RNF144A: variants seen among roughly 807,000 people sequenced by gnomAD.
The protein encoded by RNF144A is E3 ubiquitin-protein ligase RNF144A.
In RNF144A, 11 loss-of-function variants were observed where a neutral mutation model predicts 38.7. That is an observed-to-expected ratio of 0.28 (90% CI 0.18 to 0.47). The LOEUF (loss-of-function observed/expected upper bound fraction) is 0.47, where lower values mean the gene tolerates loss of function less well. Among genes scored for constraint, RNF144A ranks in the 20% least tolerant of loss-of-function variants. The probability of loss-of-function intolerance (pLI) is 0.99; values close to 1 mark genes in which losing one functional copy is unlikely to be tolerated. For synonymous variants in RNF144A, 149 were observed against 143.9 expected (o/e 1.04, Z -0.25); for missense variants, 316 against 377.2 (o/e 0.84, Z 1.34).
chr2:7,031,251 C>T (rs1166128794), intron 8 of RNF144A, among the ~76,000 whole-genome samples: 1 of 152,204 alleles, frequency 6.6e-6, no homozygotes, highest in African/African-American at 2.4e-5. Flanking sequence ...TTAATATTAA[C>T]TTGTGCTTTC....
At chr2:6,959,411 C>A (rs534520564) in intron 2 of RNF144A, among the ~76,000 whole-genome samples, 70 of 148,446 alleles carry the variant, frequency 4.7e-4, no homozygotes, top group African/African-American at 1.5e-3. Context: ...ATTGCGTGTG[C>A]ACATCCAGAT....
intron 5 of RNF144A, 144 bp downstream of exon 5, chr2:7,014,916 A>T: frequency 1.6e-6 from 1 of 634,690 alleles, no homozygotes; most frequent in Non-Finnish European, 2.8e-6. Context: ...CTGAAATTAA[A>T]CTGACATTCT....
intron 6 of RNF144A, among the ~76,000 whole-genome samples, chr2:7,052,165 C>T (rs1401427865): frequency 2.6e-5 from 4 of 152,256 alleles, no homozygotes; most frequent in African/African-American, 9.6e-5. Context: ...GGCATCACCT[C>T]ACCTTGATTC....
intron 8 of RNF144A, among the ~76,000 whole-genome samples, chr2:7,038,230 C>T (rs1215591903): frequency 1.3e-5 from 2 of 152,218 alleles, no homozygotes; most frequent in South Asian, 2.1e-4. Context: ...GTTTTCTCGT[C>T]GGAAATGCAC....
chr2:6,987,869 T>C (rs1271545237), intron 2 of RNF144A, among the ~76,000 whole-genome samples: 3 of 152,238 alleles, frequency 2.0e-5, no homozygotes, highest in Non-Finnish European at 2.9e-5. Context: ...CTTTCTTTTT[T>C]TGTATTTCTT....
intron 1 of RNF144A, among the ~76,000 whole-genome samples, chr2:6,926,725 C>T (rs930934156): frequency 2.0e-5 from 3 of 152,236 alleles, no homozygotes; most frequent in Admixed American, 6.5e-5. Context: ...CGTCTTTTCC[C>T]TTCAAAGACA....
At chr2:7,051,285 T>C (rs1673514334) in intron 6 of RNF144A, among the ~76,000 whole-genome samples, 1 of 152,002 alleles carries the variant, frequency 6.6e-6, no homozygotes, top group Non-Finnish European at 1.5e-5. Context: ...TTGGCAAACC[T>C]TCAGTGCAGA....
At chr2:6,925,368 G>A (rs925053151) in intron 1 of RNF144A, among the ~76,000 whole-genome samples, 2 of 152,114 alleles carry the variant, frequency 1.3e-5, no homozygotes, top group African/African-American at 2.4e-5. Context: ...ATAGGGCCAG[G>A]TGTATTAGGA....
intron 2 of RNF144A, among the ~76,000 whole-genome samples, chr2:6,989,303 G>A (rs1669183464): frequency 1.2e-5 from 1 of 80,398 alleles, no homozygotes; most frequent in African/African-American, 3.7e-5. Flanking sequence ...GCTTATCTGA[G>A]ACCTTCCACT....
chr2:6,984,857 A>G (rs1162994685), intron 2 of RNF144A, among the ~76,000 whole-genome samples: 1 of 152,026 alleles, frequency 6.6e-6, no homozygotes, highest in Non-Finnish European at 1.5e-5. Flanking sequence ...TTTCTTTGTT[A>G]TTTTAGAGCA....
chr2:7,070,790 A>C (rs984039760), downstream of RNF144A, among the ~76,000 whole-genome samples: 4 of 152,218 alleles, frequency 2.6e-5, no homozygotes, highest in African/African-American at 4.8e-5. Context: ...GATTGCCAAC[A>C]ACCACCAGAA....
At chr2:7,016,553 T>TAA (rs35948851) in intron 5 of RNF144A, among the ~76,000 whole-genome samples, 32 of 146,992 alleles carry the variant, frequency 2.2e-4, no homozygotes, top group African/African-American at 5.0e-4. Flanking sequence ...TGGCTTCTGT[T>TAA]AAAAAAAAAA....
At chr2:7,012,066 A>T (rs1320871180) in intron 3 of RNF144A, among the ~76,000 whole-genome samples, 2 of 152,184 alleles carry the variant, frequency 1.3e-5, no homozygotes, top group African/African-American at 2.4e-5. Context: ...TTATCATTAT[A>T]TACTGATCCG....
intron 1 of RNF144A, among the ~76,000 whole-genome samples, chr2:6,921,535 G>A (rs925572579): frequency 6.6e-6 from 1 of 152,194 alleles, no homozygotes; most frequent in Non-Finnish European, 1.5e-5. Context: ...CAGAGAGCAG[G>A]GATGTTGTCC....
At chr2:6,959,142 G>C (rs1007134433) in intron 2 of RNF144A, among the ~76,000 whole-genome samples, 2 of 152,158 alleles carry the variant, frequency 1.3e-5, no homozygotes, top group Non-Finnish European at 2.9e-5. Context: ...CACAGCACTG[G>C]GGGTGAGGCT....
chr2:6,974,084 C>G (rs1170529073), intron 2 of RNF144A, among the ~76,000 whole-genome samples: 1 of 152,164 alleles, frequency 6.6e-6, no homozygotes, highest in African/African-American at 2.4e-5. Flanking sequence ...ATTAATTCAT[C>G]TTAGATTCGT....
chr2:6,978,877 T>G (rs947112766), intron 2 of RNF144A: 3 of 152,684 alleles, frequency 2.0e-5, no homozygotes, highest in African/African-American at 7.2e-5. Flanking sequence ...TAACAGAGTT[T>G]CCCATTGTTG....
At position 6,944,073 on chromosome 2, in the gene RNF144A, G is replaced by A. The variant is rs1666185558; in HGVS notation, c.-12+2926G>A. Among the ~76,000 whole-genome samples, 1 of 152,168 alleles carries A rather than the reference G, an allele frequency of 6.6e-6. No homozygotes were observed. Among genetic ancestry groups the A allele is most frequent in the Admixed American group, 6.5e-5 (1 of 15,278 alleles). ...TGAAAGAATGGCTGGAATTGGTATT[G>A]TGTGCCAGGGAGAGAGGATCCTAAT... On this transcript the variant is annotated intron_variant, in intron 2 of 8. Coordinates refer to ENST00000320892, the MANE Select transcript of RNF144A (RefSeq NM_014746.6). The surrounding 1 kb of genome is among the most constrained non-coding windows in gnomAD (Gnocchi z 4.7).
At chr2:6,965,954 T>C (rs1667641651) in intron 2 of RNF144A, among the ~76,000 whole-genome samples, 1 of 152,102 alleles carries the variant, frequency 6.6e-6, no homozygotes, top group Non-Finnish European at 1.5e-5. Flanking sequence ...AAAAGACCGC[T>C]CCTCACCCCC....
Sources: gnomAD v4.1 joint callset for allele counts (sites outside exome capture counted in the v4.1 genomes callset) on GRCh38, gnomAD v4.1.1 for gene constraint, Gnocchi (gnomAD v3.1) non-coding constraint, MANE v1.5 for transcripts, NCBI Gene and HGNC (gene_info 2026-07-23, HGNC 2026-07-21) for gene names.